Variants in GLYATL2 observed in about 807,000 individuals in gnomAD.
GLYATL2 encodes glycine-N-acyltransferase like 2, also known as glycine N-acyltransferase-like protein 2.
Under a neutral mutation model 21.4 loss-of-function variants are expected in GLYATL2, and 25 were observed. That is an observed-to-expected ratio of 1.17 (90% CI 0.85 to 1.63). The LOEUF (loss-of-function observed/expected upper bound fraction) is 1.63, where lower values mean the gene tolerates loss of function less well. GLYATL2 is among the 40% of genes most tolerant of loss of function. GLYATL2 has a pLI of 0.00. For missense variants in GLYATL2, 361 were observed against 343.3 expected, an observed-to-expected ratio of 1.05 and a Z score of -0.41; for synonymous variants, 114 against 118.2, an observed-to-expected ratio of 0.96 and a Z score of 0.23.
At chr11:58,896,045 T>C (rs1265192952) in intron 1 of GLYATL2, among the ~76,000 whole-genome samples, 1 of 152,088 alleles carries the variant, frequency 6.6e-6, no homozygotes, top group East Asian at 1.9e-4. Flanking sequence ...TTTAGTAGGA[T>C]GGGGTTTCAC....
chr11:58,895,474 G>C (rs1164587745), intron 1 of GLYATL2, among the ~76,000 whole-genome samples: 2 of 152,264 alleles, frequency 1.3e-5, no homozygotes, highest in East Asian at 1.9e-4. Context: ...ACATGACAAA[G>C]ATCTAGCAAG....
At chr11:58,907,311 G>C (rs1018419976), upstream of GLYATL2, 8 of 456,102 alleles carry the variant, frequency 1.8e-5, no homozygotes, top group African/African-American at 1.6e-4. Flanking sequence ...CTGAAATCTG[G>C]ACTTCCAATT....
Position 58,844,414 on chromosome 11 carries a change from T to C in GLYATL2, c.-41+20A>G, listed in dbSNP as rs1853606505. On this transcript the variant is annotated intron_variant, in intron 1 of 5. Transcript: ENST00000287275. ...TTGAACTGCCAAGATAAAAAGGCTG[T>C]TCTAAATAATTCTGCTTACCTGAAG... is the stretch of plus-strand genomic sequence containing the variant. 6.6e-6 allele frequency: 1 copy of C among 152,210 alleles called. No homozygotes were observed. The allele number at this position is 152,210 out of a possible 1,614,324, so 9.4% of individuals were successfully genotyped here. A position where few individuals can be genotyped will look rare whatever the true frequency, so the allele number is the denominator to read the frequency against.
intron 1 of GLYATL2, among the ~76,000 whole-genome samples, chr11:58,858,047 C>T (rs1461773568): frequency 6.6e-6 from 1 of 152,128 alleles, no homozygotes; most frequent in Non-Finnish European, 1.5e-5. Flanking sequence ...TTTCTCTACA[C>T]TGGATAAGAA....
At chr11:58,884,785 T>A (rs1459469374) in intron 1 of GLYATL2, 1 of 160,040 alleles carries the variant, frequency 6.2e-6, no homozygotes, top group Non-Finnish European at 1.5e-5. Flanking sequence ...TTGGTATATT[T>A]AGAATGAGGG....
intron 1 of GLYATL2, among the ~76,000 whole-genome samples, chr11:58,873,837 A>G (rs1854172376): frequency 6.6e-6 from 1 of 152,094 alleles, no homozygotes; most frequent in African/African-American, 2.4e-5. Context: ...TTTTTTATTG[A>G]TTGGAATAAT....
intron 1 of GLYATL2, among the ~76,000 whole-genome samples, chr11:58,850,750 C>T (rs1027529534): frequency 6.6e-6 from 1 of 152,048 alleles, no homozygotes. Context: ...AAGGGAGTCT[C>T]CCTTTCCCCA....
intron 1 of GLYATL2, among the ~76,000 whole-genome samples, chr11:58,877,245 C>T (rs191817092): frequency 9.8e-5 from 15 of 152,322 alleles, no homozygotes; most frequent in Admixed American, 7.8e-4. Context: ...CCAGGTGAGG[C>T]GATGCCTCGC....
At chr11:58,909,227 T>A in the GLYATL2 span, among the ~76,000 whole-genome samples, 2 of 152,172 alleles carry the variant, frequency 1.3e-5, no homozygotes. Flanking sequence ...GAAGTGGTTG[T>A]CAGGGGCTGG....
intron 1 of GLYATL2, among the ~76,000 whole-genome samples, chr11:58,841,181 G>A (rs575620640): frequency 2.0e-5 from 3 of 152,140 alleles, no homozygotes; most frequent in East Asian, 1.9e-4. Flanking sequence ...AATATTTTTT[G>A]CAATCCTAGA....
chr11:58,901,118 C>G (rs1854732428), intron 1 of GLYATL2, among the ~76,000 whole-genome samples: 1 of 152,168 alleles, frequency 6.6e-6, no homozygotes, highest in Non-Finnish European at 1.5e-5. Context: ...GCTGCCTGCG[C>G]GGATCCTTTT....
rs1853397922 is a variant in GLYATL2, at chr11:58,834,789, A to G, written c.525T>C (p.Leu175=). ...TCCCAAAGGCCCAGTGTTCATTCAC[A>G]AGACCTGCATGTGAAGCATCTAAGA... ...NMFLDASHAG[L]VNEHWAFGKN... is the part of the protein sequence containing the mutation. The change falls in exon 6 of 6, where the codon CTT becomes CTC. Residue 175 remains leucine, a synonymous_variant. Coordinates refer to ENST00000287275, the MANE Select transcript of GLYATL2 (RefSeq NM_145016.4). 6.2e-7 allele frequency: 1 copy of G among 1,612,612 alleles called. No individual in the cohort carries two copies.
rs185445129 is a variant in GLYATL2 at position 58,875,732 on chromosome 11, T to C, written n.60+28424A>G. 1.4e-3 allele frequency among the ~76,000 whole-genome samples: 207 copies of C among 152,340 alleles called. 2 individuals carry two copies. Among genetic ancestry groups the C allele is most frequent in the Middle Eastern group, 0.01 (3 of 294 alleles). ...CTGGCTGCCCTCAACATTTTTTCCTTCATTTCAACTTTGGTGAATCTGAGA... is the reference window on the plus strand; with the variant it reads ...CTGGCTGCCCTCAACATTTTTTCCTCCATTTCAACTTTGGTGAATCTGAGA... On this transcript the variant is annotated intron_variant and non_coding_transcript_variant, in intron 1 of 4. Coordinates refer to the GLYATL2 transcript ENST00000533636.
At chr11:58,840,903 T>C (rs1233634739) in intron 1 of GLYATL2, 1 of 142,900 alleles carries the variant, frequency 7.0e-6, no homozygotes, top group Non-Finnish European at 1.5e-5. Flanking sequence ...AATAATAATA[T>C]AAAGATGCAT....
chr11:58,839,738 A>G (rs1590714402), intron 1 of GLYATL2, 86 bp from the exon 2 acceptor site: 2 of 613,546 alleles, frequency 3.3e-6, no homozygotes, highest in Non-Finnish European at 2.9e-6. Flanking sequence ...CACCAGGGAC[A>G]TCATACACTA....
At chr11:58,898,632 G>A (rs994824820) in intron 1 of GLYATL2, among the ~76,000 whole-genome samples, 5 of 151,868 alleles carry the variant, frequency 3.3e-5, no homozygotes, top group East Asian at 1.9e-4. Flanking sequence ...TCAGGAGATC[G>A]AGACCATCCT....
chr11:58,869,001 G>T (rs1165985614), intron 1 of GLYATL2, among the ~76,000 whole-genome samples: 3 of 150,380 alleles, frequency 2.0e-5, no homozygotes, highest in African/African-American at 4.8e-5. Context: ...GTGTGTCCAG[G>T]CAAGTGAGTG....
chr11:58,844,163 A>C (rs930446516), intron 1 of GLYATL2, among the ~76,000 whole-genome samples: 4 of 152,138 alleles, frequency 2.6e-5, no homozygotes, highest in African/African-American at 7.2e-5. Flanking sequence ...AGAAAGGTAC[A>C]AGCATATTGA....
chr11:58,904,740 A>T (rs1438575459), upstream of GLYATL2, among the ~76,000 whole-genome samples: 3 of 150,616 alleles, frequency 2.0e-5, no homozygotes, highest in South Asian at 2.1e-4. Flanking sequence ...AGACCCGTGT[A>T]ATTTAAGTGA....
Sources: allele counts gnomAD v4.1 joint callset (sites outside exome capture counted in the v4.1 genomes callset), GRCh38; gene constraint gnomAD v4.1.1; transcripts MANE v1.5; gene names NCBI Gene and HGNC (gene_info 2026-07-23, HGNC 2026-07-21).